Variants in PEPD observed in about 807,000 individuals in gnomAD.
PEPD encodes the protein peptidase D.
PEPD carries 53 observed loss-of-function variants against 60.7 expected under a neutral mutation model. The ratio of observed to expected loss-of-function variants is 0.87; its 90% CI spans 0.70 to 1.10. The LOEUF is 1.10. Ranked by LOEUF, PEPD falls within the 50% of genes least tolerant of loss-of-function variation. The pLI, the probability that PEPD is intolerant of heterozygous loss-of-function variation, is 0.00. For missense variants in PEPD, 711 were observed against 711.9 expected (o/e 1.00, Z 0.01); for synonymous variants, 267 against 284.1 (o/e 0.94, Z 0.60).
chr19:33,444,456 T>A (rs1969552173), intron 9 of PEPD, among the ~76,000 whole-genome samples: 1 of 151,336 alleles, frequency 6.6e-6, no homozygotes, highest in Admixed American at 6.6e-5. Flanking sequence ...AGGCAGCGGA[T>A]GCATGCCATG....
chr19:33,512,138 C>A (rs1057323382), intron 2 of PEPD, among the ~76,000 whole-genome samples: 1 of 152,204 alleles, frequency 6.6e-6, no homozygotes, highest in Non-Finnish European at 1.5e-5. Flanking sequence ...CTGGGCATGG[C>A]AGCGGGGAGA....
At chr19:33,457,186 CTG>C (rs1969819415) in intron 9 of PEPD, among the ~76,000 whole-genome samples, 1 of 151,812 alleles carries the variant, frequency 6.6e-6, no homozygotes, top group South Asian at 2.1e-4. Flanking sequence ...AATCCCAGCA[CTG>C]TGGGAGACCA....
chr19:33,500,296 G>A (rs1218998419), intron 4 of PEPD, among the ~76,000 whole-genome samples: 1 of 152,172 alleles, frequency 6.6e-6, no homozygotes, highest in Admixed American at 6.5e-5. Flanking sequence ...AGACCACAGG[G>A]GCTCCCAGCT....
At chr19:33,517,704 C>A (rs968587004) in intron 1 of PEPD, among the ~76,000 whole-genome samples, 1 of 151,984 alleles carries the variant, frequency 6.6e-6, no homozygotes, top group Non-Finnish European at 1.5e-5. Flanking sequence ...CGGTGGCTCA[C>A]GCCTGTAATA....
At chr19:33,441,397 G>A (rs1298714511) in intron 9 of PEPD, among the ~76,000 whole-genome samples, 1 of 152,208 alleles carries the variant, frequency 6.6e-6, no homozygotes, top group Non-Finnish European at 1.5e-5. Context: ...TGGGCTATCA[G>A]GCTCACTGGG....
chr19:33,476,320 C>T (rs1268244850), intron 7 of PEPD, among the ~76,000 whole-genome samples: 1 of 152,176 alleles, frequency 6.6e-6, no homozygotes, highest in African/African-American at 2.4e-5. Flanking sequence ...CCACCCCCAG[C>T]TCAGCCCTCT....
chr19:33,430,639 T>A (rs1969250283), intron 9 of PEPD, among the ~76,000 whole-genome samples: 1 of 152,242 alleles, frequency 6.6e-6, no homozygotes, highest in South Asian at 2.1e-4. Context: ...TACTGGCATA[T>A]GTATCTTTTT....
intron 3 of PEPD, among the ~76,000 whole-genome samples, 181 bp downstream of exon 3, chr19:33,510,847 G>C (rs2145352790): frequency 6.6e-6 from 1 of 152,206 alleles, no homozygotes; most frequent in African/African-American, 2.4e-5. Flanking sequence ...TCCCTTCCCA[G>C]CCAAGGGTGC....
At chr19:33,506,090 TCAGA>T (rs1435170720) in intron 3 of PEPD, among the ~76,000 whole-genome samples, 1 of 91,140 alleles carries the variant, frequency 1.1e-5, no homozygotes, top group East Asian at 4.0e-4. Flanking sequence ...TACACACCCC[TCAGA>T]CACCCACACA....
intron 9 of PEPD, among the ~76,000 whole-genome samples, chr19:33,448,120 G>A (rs569580127): frequency 2.6e-4 from 40 of 152,302 alleles, no homozygotes; most frequent in African/African-American, 8.4e-4. Flanking sequence ...AAAAACTCAC[G>A]GCCCGGAATA....
chr19:33,399,993 G>A (rs577746459), intron 12 of PEPD, among the ~76,000 whole-genome samples: 2 of 152,222 alleles, frequency 1.3e-5, no homozygotes, highest in South Asian at 2.1e-4. Flanking sequence ...GGCTGGGCTC[G>A]GGGCACTCTG....
At chr19:33,506,838 C>T (rs767263642) in intron 3 of PEPD, among the ~76,000 whole-genome samples, 15 of 148,944 alleles carry the variant, frequency 1.0e-4, no homozygotes, top group Non-Finnish European at 1.8e-4. Flanking sequence ...ACACGCACAC[C>T]CACATTCACC....
intron 11 of PEPD, among the ~76,000 whole-genome samples, chr19:33,410,708 G>T (rs1255563955): frequency 6.6e-6 from 1 of 152,200 alleles, no homozygotes; most frequent in Non-Finnish European, 1.5e-5. Context: ...GCTTGTTCGG[G>T]TGCATCTGCC....
chr19:33,394,373 G>A (rs990137794), intron 12 of PEPD, among the ~76,000 whole-genome samples: 1 of 152,250 alleles, frequency 6.6e-6, no homozygotes, highest in Admixed American at 6.5e-5. Flanking sequence ...CCGGGGGCAG[G>A]CCCGGCGCCG....
chr19:33,513,825 C>T (rs929299063), intron 1 of PEPD, among the ~76,000 whole-genome samples: 35 of 103,516 alleles, frequency 3.4e-4, no homozygotes, highest in African/African-American at 1.0e-3. Context: ...GCCGCTGCGG[C>T]GCCCTGTGGG....
At chr19:33,394,163 G>A (rs569365266) in intron 12 of PEPD, among the ~76,000 whole-genome samples, 32 of 152,352 alleles carry the variant, frequency 2.1e-4, no homozygotes, top group African/African-American at 7.5e-4. Flanking sequence ...GGGCTGGGAG[G>A]CCTCCTGTGA....
intron 9 of PEPD, among the ~76,000 whole-genome samples, chr19:33,419,814 C>G (rs957222874): frequency 1.3e-5 from 2 of 151,884 alleles, no homozygotes; most frequent in African/African-American, 4.8e-5. Context: ...AAGTCCTGGG[C>G]GAAGGAGCCC....
Position 33,492,402 on chromosome 19 carries a change from T to C in PEPD, c.441+888A>G, listed in dbSNP as rs370336507. 8.5e-4 allele frequency among the ~76,000 whole-genome samples: 129 copies of C among 152,328 alleles called. 1 individual carries two copies. Among genetic ancestry groups the C allele is most frequent in the African/African-American group, 2.9e-3 (121 of 41,578 alleles). On this transcript the variant is annotated intron_variant, in intron 5 of 14. Coordinates refer to ENST00000244137, the MANE Select transcript of PEPD (RefSeq NM_000285.4). The stretch of plus-strand genomic sequence containing the variant: ...TTTTCCTTTTTAAATTTTTTATTTT[T>C]AGTTTTCATGGGTAGATATTAGGTG...
rs556608798 is a variant in PEPD at position 33,460,694 on chromosome 19, C to T, written c.671+2301G>A. On this transcript the variant is annotated intron_variant, in intron 9 of 14. Transcript: ENST00000244137. Reference sequence around the variant, plus strand: ...CTGTGGCCTGCAGCAGGTGGGTGCACATGGCAGGTGCACAGCATGGGCAGC... The same window carrying T: ...CTGTGGCCTGCAGCAGGTGGGTGCATATGGCAGGTGCACAGCATGGGCAGC... Among the ~76,000 whole-genome samples the T allele has an allele frequency of 2.0e-3, 297 of 152,268 alleles. 1 individual carries two copies. The highest frequency in any genetic ancestry group is 6.4e-3 in the African/African-American group (264 of 41,564).
Sources: gnomAD v4.1 joint callset for allele counts (sites outside exome capture counted in the v4.1 genomes callset) on GRCh38, gnomAD v4.1.1 for gene constraint, MANE v1.5 for transcripts, NCBI Gene and HGNC (gene_info 2026-07-23, HGNC 2026-07-21) for gene names.